The following CERKL variants were observed in gnomAD, a reference collection of about 807,000 sequenced individuals.
CERKL encodes ceramide kinase-like protein.
Under a neutral mutation model 63.4 loss-of-function variants are expected in CERKL, and 61 were observed. The ratio of observed to expected loss-of-function variants is 0.96; its 90% confidence interval spans 0.78 to 1.19. CERKL has a LOEUF of 1.19. CERKL is among the 50% of genes most tolerant of loss of function. The pLI, the probability that CERKL is intolerant of heterozygous loss-of-function variation, is 0.00. For synonymous variants in CERKL, 250 were observed against 230.5 expected (o/e 1.08, Z -0.77); for missense variants, 675 against 655.5 (o/e 1.03, Z -0.33).
At chr2:181,609,369 G>T (rs1685859183) in intron 1 of CERKL, among the ~76,000 whole-genome samples, 1 of 149,146 alleles carries the variant, frequency 6.7e-6, no homozygotes, top group Non-Finnish European at 1.5e-5. Flanking sequence ...AATTCTCTTG[G>T]AATAAATATA....
intron 1 of CERKL, among the ~76,000 whole-genome samples, chr2:181,638,803 C>CA (rs1687295358): frequency 6.6e-6 from 1 of 152,190 alleles, no homozygotes; most frequent in African/African-American, 2.4e-5. Context: ...ATCTTTTTCC[C>CA]AAGTCCTCAC....
intron 1 of CERKL, among the ~76,000 whole-genome samples, chr2:181,622,202 A>T (rs941125706): frequency 6.6e-6 from 1 of 152,050 alleles, no homozygotes; most frequent in Non-Finnish European, 1.5e-5. Context: ...GCTGTTCCAC[A>T]GAAAAACACA....
chr2:181,639,760 T>C lies in CERKL; in HGVS notation c.238+17009A>G, dbSNP rs147485195. Among the ~76,000 whole-genome samples the C allele has an allele frequency of 6.1e-3, 932 of 152,278 alleles. 38 individuals carry two copies. Among genetic ancestry groups the C allele is most frequent in the Non-Finnish European group, 2.1e-3 (143 of 68,024 alleles). ...GCAACTGAAATTACTGGTATGACCT[T>C]GGGCAAGTTATTTAACACCTCTGGG... On this transcript the variant is annotated intron_variant, in intron 1 of 12. Coordinates refer to ENST00000410087, the MANE Select transcript of CERKL (RefSeq NM_201548.5).
At chr2:181,611,536 T>A (rs1434776900) in intron 1 of CERKL, among the ~76,000 whole-genome samples, 1 of 151,866 alleles carries the variant, frequency 6.6e-6, no homozygotes, top group Non-Finnish European at 1.5e-5. Flanking sequence ...ATAAACCAAA[T>A]AAGCTGGGCA....
intron 1 of CERKL, among the ~76,000 whole-genome samples, chr2:181,618,735 A>G (rs901780411): frequency 4.6e-5 from 7 of 152,298 alleles, no homozygotes; most frequent in Admixed American, 2.6e-4. Context: ...TAAATAGTAA[A>G]TATTTTTAAT....
At chr2:181,585,754 A>G (rs777481354) in intron 2 of CERKL, among the ~76,000 whole-genome samples, 1 of 152,222 alleles carries the variant, frequency 6.6e-6, no homozygotes, top group Non-Finnish European at 1.5e-5. Context: ...AGTAGCATTG[A>G]AAATAAACAC....
intron 3 of CERKL, among the ~76,000 whole-genome samples, chr2:181,567,875 G>A (rs1450678107): frequency 6.6e-6 from 1 of 152,176 alleles, no homozygotes; most frequent in Non-Finnish European, 1.5e-5. Flanking sequence ...TGGAATCAGT[G>A]ACAGCCAGAT....
chr2:181,614,068 CTT>C (rs1376651396), intron 1 of CERKL, among the ~76,000 whole-genome samples: 1 of 152,126 alleles, frequency 6.6e-6, no homozygotes, highest in African/African-American at 2.4e-5. Context: ...TTTGCTATGT[CTT>C]TGTATTGTTA....
chr2:181,560,343 T>C (rs1461558375), intron 4 of CERKL, among the ~76,000 whole-genome samples: 1 of 152,162 alleles, frequency 6.6e-6, no homozygotes, highest in East Asian at 1.9e-4. Context: ...TCCTAGAATG[T>C]TGCATACAAT....
chr2:181,574,797 C>T (rs1171101173), intron 2 of CERKL, among the ~76,000 whole-genome samples: 1 of 152,032 alleles, frequency 6.6e-6, no homozygotes, highest in Non-Finnish European at 1.5e-5. Context: ...GAAAATTGTC[C>T]ACTACAAGAA....
intron 1 of CERKL, among the ~76,000 whole-genome samples, chr2:181,623,254 G>A (rs898714384): frequency 6.6e-6 from 1 of 152,116 alleles, no homozygotes; most frequent in South Asian, 2.1e-4. Context: ...GACACAAGGT[G>A]ATCAGAAAAG....
At chr2:181,612,233 A>G (rs944055190) in intron 1 of CERKL, among the ~76,000 whole-genome samples, 2 of 152,352 alleles carry the variant, frequency 1.3e-5, no homozygotes. Context: ...GACCTTCTTC[A>G]AGGAAACAAT....
intron 3 of CERKL, among the ~76,000 whole-genome samples, chr2:181,570,357 A>C (rs938799310): frequency 2.6e-5 from 4 of 152,174 alleles, no homozygotes; most frequent in African/African-American, 9.6e-5. Flanking sequence ...CTGCTGCCTT[A>C]ACTTTTTCAC....
intron 1 of CERKL, among the ~76,000 whole-genome samples, chr2:181,647,396 C>A (rs1265838131): frequency 6.6e-6 from 1 of 152,204 alleles, no homozygotes; most frequent in Non-Finnish European, 1.5e-5. Context: ...TGTCAGCCCT[C>A]CGAGCCTGCA....
At chr2:181,617,623 A>T (rs1220062103) in intron 1 of CERKL, among the ~76,000 whole-genome samples, 1 of 152,186 alleles carries the variant, frequency 6.6e-6, no homozygotes, top group Non-Finnish European at 1.5e-5. Context: ...TATAATAAAA[A>T]TTATCAACAT....
rs191760594 is a variant in CERKL, at chr2:181,629,370, T to C, written c.239-25291A>G. The stretch of plus-strand genomic sequence containing the variant: ...TAAATGTAGGTCAGTATTCTGATTG[T>C]AGTAGGAAAGTAAATGCTCAGACCT... On this transcript the variant is annotated intron_variant, in intron 1 of 12. Coordinates refer to ENST00000410087, the MANE Select transcript of CERKL (RefSeq NM_201548.5). Among the ~76,000 whole-genome samples the C allele has an allele frequency of 6.6e-5, 10 of 152,292 alleles. No individual in the cohort carries two copies. In the East Asian group the frequency reaches 9.6e-4, roughly 15 times the overall value.
intron 3 of CERKL, among the ~76,000 whole-genome samples, chr2:181,569,285 A>G (rs943905455): frequency 6.6e-6 from 1 of 152,200 alleles, no homozygotes; most frequent in African/African-American, 2.4e-5. Flanking sequence ...TGATGCATGA[A>G]CATTTACTTT....
At chr2:181,581,193 C>G (rs1376438639) in intron 2 of CERKL, among the ~76,000 whole-genome samples, 1 of 152,170 alleles carries the variant, frequency 6.6e-6, no homozygotes, top group Non-Finnish European at 1.5e-5. Flanking sequence ...CCAGGTTATT[C>G]TAAATGTCCA....
At chr2:181,604,652 G>C (rs1685603125) in intron 1 of CERKL, among the ~76,000 whole-genome samples, 1 of 152,174 alleles carries the variant, frequency 6.6e-6, no homozygotes. Context: ...ACTAAGGATA[G>C]AGTAAAGTAA....
Sources: allele counts gnomAD v4.1 joint callset (sites outside exome capture counted in the v4.1 genomes callset), GRCh38; gene constraint gnomAD v4.1.1; transcripts MANE v1.5; gene names NCBI Gene and HGNC (gene_info 2026-07-23, HGNC 2026-07-21).